Variants in GATA5 observed in about 807,000 individuals in gnomAD.
The protein encoded by GATA5 is GATA binding protein 5, also known as transcription factor GATA-5.
In GATA5, 27 loss-of-function variants were observed where a neutral mutation model predicts 35.0. The observed-to-expected ratio is 0.77, with a 90% confidence interval of 0.57 to 1.06. GATA5 has a LOEUF of 1.06. GATA5 is among the 50% of genes least tolerant of loss of function. The pLI is 0.00. For synonymous variants in GATA5, 306 were observed against 267.8 expected (o/e 1.14, Z -1.39); for missense variants, 612 against 580.0 (o/e 1.06, Z -0.57).
chr20:62,465,594 G>A (rs1041744201), intron 5 of GATA5, 130 bp from the exon 6 acceptor site: 46 of 1,271,470 alleles, frequency 3.6e-5, no homozygotes, highest in East Asian at 1.2e-4. Flanking sequence ...CACCGCAGGC[G>A]TGGGTGGTGT....
chr20:62,473,448 C>T lies in GATA5; in HGVS notation c.654G>A (p.Lys218=), dbSNP rs370091622. 4 of 1,611,220 alleles carry T rather than the reference C, an allele frequency of 2.5e-6. No individual in the cohort carries two copies. The African/African-American group carries it at 5.3e-5, about 22-fold the overall frequency. The change falls in exon 3 of 7, where the codon AAG becomes AAA. Residue 218 remains lysine, a synonymous_variant. Transcript: ENST00000252997. Reference sequence around the variant, plus strand: ...CGAGCGGCCGGTTGACGCCATTCATCTTGTGGTAGAGGCCGCAGGCATTGC... The same window carrying T: ...CGAGCGGCCGGTTGACGCCATTCATTTTGTGGTAGAGGCCGCAGGCATTGC... ...YLCNACGLYH[K]MNGVNRPLVR... is the part of the protein sequence containing the mutation.
At chr20:62,474,474 G>A (rs954692355) in intron 2 of GATA5, among the ~76,000 whole-genome samples, 1 of 152,236 alleles carries the variant, frequency 6.6e-6, no homozygotes, top group Non-Finnish European at 1.5e-5. Context: ...GACGGGATGG[G>A]CCCCTGCGGA....
intron 3 of GATA5, among the ~76,000 whole-genome samples, chr20:62,473,151 G>C (rs1174775514): frequency 6.6e-6 from 1 of 152,260 alleles, no homozygotes. Context: ...CTGGCCCCCA[G>C]AGCGCTCCAG....
chr20:62,474,969 G>A, intron 2 of GATA5, 30 bp downstream of exon 2: 1 of 1,278,366 alleles, frequency 7.8e-7, no homozygotes, highest in Non-Finnish European at 9.9e-7. Flanking sequence ...CCGCTCCTGG[G>A]CCCCGAGACT....
chr20:62,474,170 T>C (rs1555896865), intron 2 of GATA5, among the ~76,000 whole-genome samples: 1 of 152,214 alleles, frequency 6.6e-6, no homozygotes, highest in African/African-American at 2.4e-5. Context: ...CAGCCCCGCC[T>C]CACAGCCCCC....
intron 2 of GATA5, among the ~76,000 whole-genome samples, 190 bp downstream of exon 2, chr20:62,474,809 A>G (rs1989811508): frequency 6.6e-6 from 1 of 152,260 alleles, no homozygotes; most frequent in African/African-American, 2.4e-5. Context: ...TTAAAACAGA[A>G]TTCTGGATGG....
chr20:62,465,093 TTGCCCTTAGGGACCCCCTGA>T (rs1329778742), intron 6 of GATA5, 102 bp from the exon 7 acceptor site: 1 of 1,059,578 alleles, frequency 9.4e-7, no homozygotes, highest in South Asian at 1.5e-5. Flanking sequence ...TGACCGGTAT[TTGCCCTTAGGGACCCCCTGA>T]TGCCCTGGAA....
chr20:62,464,139 G>A lies in GATA5; in HGVS notation c.*697C>T, dbSNP rs1555895728. 1 of 152,302 alleles carries A rather than the reference G, an allele frequency of 6.6e-6. No homozygotes were observed. Among genetic ancestry groups the A allele is most frequent in the Non-Finnish European group, 1.5e-5 (1 of 68,100 alleles). 9.4% of individuals were successfully genotyped at this position (152,302 alleles called of 1,614,324 possible). A position where few individuals can be genotyped will look rare whatever the true frequency, so the allele number is the denominator to read the frequency against. On this transcript the variant is annotated 3_prime_UTR_variant, in exon 7 of 7. Transcript: ENST00000252997. The stretch of plus-strand genomic sequence containing the variant: ...GAAATGGTCATGATACACAGATTCA[G>A]CTAGAACAAGGCCCTTTCCCATCCC...
intron 5 of GATA5, 151 bp downstream of exon 5, chr20:62,465,683 C>G (rs1301764641): frequency 4.7e-6 from 4 of 852,606 alleles, no homozygotes; most frequent in African/African-American, 3.4e-5. Context: ...CCACACCCCC[C>G]CCAGCAAGGT....
rs868996234 is a variant in GATA5, at chr20:62,471,918, A to T, written c.699+1485T>A. 6.0e-3 allele frequency among the ~76,000 whole-genome samples: 747 copies of T among 123,888 alleles called. 3 individuals carry two copies. Among genetic ancestry groups the T allele is most frequent in the East Asian group, 0.011 (49 of 4,564 alleles). The allele number at this position is 123,888 out of a possible 152,430, so 81.3% of individuals were successfully genotyped here. Reference sequence around the variant, plus strand: ...TAATTTCTTTTTTTTTTTTTTTTTTAAATTTTTAGTGGAGATGGGTTCTTG... The same window carrying T: ...TAATTTCTTTTTTTTTTTTTTTTTTTAATTTTTAGTGGAGATGGGTTCTTG... On this transcript the variant is annotated intron_variant, in intron 3 of 6. Coordinates refer to ENST00000252997, the MANE Select transcript of GATA5 (RefSeq NM_080473.5).
chr20:62,465,103 G>C, intron 6 of GATA5, 112 bp from the exon 7 acceptor site: 2 of 1,001,398 alleles, frequency 2.0e-6, no homozygotes, highest in Non-Finnish European at 2.9e-6. Flanking sequence ...TTGCCCTTAG[G>C]GACCCCCTGA....
intron 3 of GATA5, 118 bp downstream of exon 3, chr20:62,473,285 T>G: frequency 8.4e-7 from 1 of 1,186,540 alleles, no homozygotes; most frequent in Non-Finnish European, 1.2e-6. Flanking sequence ...ACCCAGGCTG[T>G]TTTTGGGACA....
chr20:62,475,126 C>A lies in GATA5; in HGVS notation c.396G>T (p.Arg132=), dbSNP rs1555896997. The change falls in exon 2 of 7, where the codon CGG becomes CGT. Residue 132 remains arginine, a synonymous_variant. Coordinates refer to ENST00000252997, the MANE Select transcript of GATA5 (RefSeq NM_080473.5). ...TGGCGGAGTACGAGGTCCCCACCGGCCGCCCAAGCGGGGCCGCGAACTGTT... is the reference window on the plus strand; with the variant it reads ...TGGCGGAGTACGAGGTCCCCACCGGACGCCCAAGCGGGGCCGCGAACTGTT... The part of the protein sequence containing the change: ...PREQFAAPLG[R]PVGTSYSATY... 7.3e-7 allele frequency: 1 copy of A among 1,372,284 alleles called. No individual in the cohort carries two copies. The highest frequency in any genetic ancestry group is 9.4e-7 in the Non-Finnish European group (1 of 1,059,646). 85.0% of individuals were successfully genotyped at this position (1,372,284 alleles called of 1,614,324 possible). A position where few individuals can be genotyped will look rare whatever the true frequency, so the allele number is the denominator to read the frequency against.
In GATA5 at chr20:62,475,511, C is replaced by G. The variant is rs903053351; in HGVS notation, c.11G>C (p.Ser4Thr). 5 of 1,321,504 alleles carry G rather than the reference C, an allele frequency of 3.8e-6. No individual in the cohort carries two copies. The African/African-American group carries it at 7.6e-5, about 20-fold the overall frequency. The allele number at this position is 1,321,504 out of a possible 1,614,324, so 81.9% of individuals were successfully genotyped here. Residue 4 changes from serine to threonine, a missense_variant, in exon 2 of 7, where the codon AGC (serine) becomes ACC (threonine). By Grantham distance (58) the Ser-to-Thr change is moderately conservative (BLOSUM62 1). Coordinates refer to ENST00000252997, the MANE Select transcript of GATA5 (RefSeq NM_080473.5). The stretch of plus-strand genomic sequence containing the variant: ...GCGGGGGCTCGCGGCCAGCGCCAGG[C>G]TCTGGTACATCCTCCCAGGCGTGGT... MYQ[S>T]LALAASPRQA...
chr20:62,471,936 G>C (rs1037100275), intron 3 of GATA5, among the ~76,000 whole-genome samples: 2 of 148,104 alleles, frequency 1.4e-5, no homozygotes, highest in African/African-American at 5.0e-5. Context: ...AGTGGAGATG[G>C]GTTCTTGCTA....
Position 62,469,523 on chromosome 20 carries a change from C to A in GATA5, c.700-2972G>T, listed in dbSNP as rs148900267. 4.3e-4 allele frequency among the ~76,000 whole-genome samples: 65 copies of A among 152,358 alleles called. 1 individual carries two copies. In the South Asian group the frequency reaches 0.013, roughly 31 times the overall value. On this transcript the variant is annotated intron_variant, in intron 3 of 6. Transcript: ENST00000252997. ...ACGTCCCCGCACAGCTGCCAGCACG[C>A]CCCGACGGAGCCACGTCTGAGACAC... is the stretch of plus-strand genomic sequence containing the variant.
At chr20:62,468,621 G>A (rs1555896305) in intron 3 of GATA5, among the ~76,000 whole-genome samples, 1 of 152,256 alleles carries the variant, frequency 6.6e-6, no homozygotes, top group African/African-American at 2.4e-5. Flanking sequence ...CAAAGGGGCA[G>A]AAAGGAAAGG....
Position 62,474,989 on chromosome 20 carries a change from C to A in GATA5, c.523+10G>T. ...CCTGGGCCCCGAGACTGTGGAGCCC[C>A]CGCACTCACCGAAGGTGGGCCTGCG... On this transcript the variant is annotated intron_variant, in intron 2 of 6. Coordinates refer to ENST00000252997, the MANE Select transcript of GATA5 (RefSeq NM_080473.5). 7.6e-7 allele frequency: 1 copy of A among 1,316,946 alleles called. No homozygotes were observed. Among genetic ancestry groups the A allele is most frequent in the Non-Finnish European group, 9.7e-7 (1 of 1,030,010 alleles). The allele number at this position is 1,316,946 out of a possible 1,614,324, so 81.6% of individuals were successfully genotyped here. A position where few individuals can be genotyped will look rare whatever the true frequency, so the allele number is the denominator to read the frequency against.
chr20:62,475,838 A>C, intron 1 of GATA5, 92 bp downstream of exon 1: 2 of 217,494 alleles, frequency 9.2e-6, no homozygotes, highest in Non-Finnish European at 9.1e-6. Context: ...GCGCGGCCGC[A>C]GGACGCAGGG....
Sources: allele counts gnomAD v4.1 joint callset (sites outside exome capture counted in the v4.1 genomes callset), GRCh38; gene constraint gnomAD v4.1.1; transcripts MANE v1.5; gene names NCBI Gene and HGNC (gene_info 2026-07-23, HGNC 2026-07-21).